SMOC2: variants seen among roughly 807,000 people sequenced by gnomAD.
SMOC2 encodes the protein SPARC related modular calcium binding 2, also known as SPARC-related modular calcium-binding protein 2.
A neutral mutation model predicts 61.4 loss-of-function variants in SMOC2; 39 were observed. The ratio of observed to expected loss-of-function variants is 0.64; its 90% CI spans 0.49 to 0.83. The LOEUF (loss-of-function observed/expected upper bound fraction) is 0.83. SMOC2 is among the 40% of genes least tolerant of loss of function. The probability of loss-of-function intolerance (pLI) is 0.00; values close to 1 mark genes in which losing one functional copy is unlikely to be tolerated. For synonymous variants in SMOC2, 247 were observed against 239.9 expected, an observed-to-expected ratio of 1.03 and a Z score of -0.27; for missense variants, 556 against 592.9, an observed-to-expected ratio of 0.94 and a Z score of 0.65.
At chr6:168,511,668 G>A (rs1264721458) in intron 2 of SMOC2, among the ~76,000 whole-genome samples, 1 of 152,138 alleles carries the variant, frequency 6.6e-6, no homozygotes, top group Non-Finnish European at 1.5e-5. Flanking sequence ...TCCCTCTGGA[G>A]CCTTGGTCTT....
intron 11 of SMOC2, among the ~76,000 whole-genome samples, chr6:168,658,980 T>G (rs1472704101): frequency 6.7e-6 from 1 of 149,314 alleles, no homozygotes; most frequent in Non-Finnish European, 1.5e-5. Flanking sequence ...GTGTGTATGG[T>G]GTGTGTGTGT....
chr6:168,608,111 G>A (rs1035874172), intron 8 of SMOC2, 46 bp from the exon 9 acceptor site: 1 of 1,559,232 alleles, frequency 6.4e-7, no homozygotes, highest in South Asian at 1.2e-5. Context: ...CTGGTCTCAA[G>A]CCCGTTGTTT....
At chr6:168,460,606 C>G (rs1194078391) in intron 1 of SMOC2, among the ~76,000 whole-genome samples, 1 of 152,212 alleles carries the variant, frequency 6.6e-6, no homozygotes, top group African/African-American at 2.4e-5. Flanking sequence ...TGGGAAGCTT[C>G]AGGAACCCGG....
At chr6:168,571,350 C>T (rs1231077055) in intron 7 of SMOC2, among the ~76,000 whole-genome samples, 1 of 152,254 alleles carries the variant, frequency 6.6e-6, no homozygotes, top group African/African-American at 2.4e-5. Flanking sequence ...GCACCTGTGC[C>T]GCCATGCCTG....
At chr6:168,459,606 G>T (rs1240924540) in intron 1 of SMOC2, among the ~76,000 whole-genome samples, 1 of 140,938 alleles carries the variant, frequency 7.1e-6, no homozygotes, top group Non-Finnish European at 1.6e-5. Flanking sequence ...GTGAGCACTG[G>T]GGTGGGTGAG....
At position 168,453,586 on chromosome 6, in the gene SMOC2, C is replaced by G. The variant is rs1185246414; in HGVS notation, c.84+12132C>G. Among the ~76,000 whole-genome samples, 2 of 151,266 alleles carry G rather than the reference C, an allele frequency of 1.3e-5. No homozygotes were observed. The highest frequency in any genetic ancestry group is 6.6e-5 in the Admixed American group (1 of 15,210). Reference sequence around the variant, plus strand: ...ATTCTCTCAGTCTCTGCCATTTGCTCTCTCTCTTTCTGTCTGTCTCTGTTT... The same window carrying G: ...ATTCTCTCAGTCTCTGCCATTTGCTGTCTCTCTTTCTGTCTGTCTCTGTTT... On this transcript the variant is annotated intron_variant, in intron 1 of 12. Transcript: ENST00000356284. The surrounding 1 kb of genome is among the most constrained non-coding windows in gnomAD (Gnocchi z 4.4).
intron 9 of SMOC2, among the ~76,000 whole-genome samples, chr6:168,611,456 C>G (rs1389361631): frequency 3.0e-5 from 4 of 132,616 alleles, no homozygotes; most frequent in Non-Finnish European, 6.4e-5. Context: ...GCTCCCATGT[C>G]TGGCCCTGCA....
In SMOC2 at chr6:168,441,433, T is replaced by G. The variant is rs73270928; in HGVS notation, c.63T>G (p.Ala21=). Residue 21 remains alanine (A), a synonymous_variant, in exon 1 of 13, where the codon GCT becomes GCG. Coordinates refer to ENST00000356284, the MANE Select transcript of SMOC2 (RefSeq NM_001166412.2). ...LLAGLLPPVP[A]QKFSALTFLR... ...CTGGGCTGCTCCCGCCGGTGCCCGC[T>G]CAGAAGTTCTCGGCGCTCACGGTAA... The G allele has an allele frequency of 0.19, 292,631 of 1,507,100 alleles. 36,751 individuals are homozygous for G. Among genetic ancestry groups the G allele is most frequent in the African/African-American group, 0.53 (36,171 of 68,798 alleles). 93.4% of individuals were successfully genotyped at this position (1,507,100 alleles called of 1,614,324 possible).
Position 168,553,251 on chromosome 6 carries a change from T to TTATTTTGTAAAATCTGAA in SMOC2, c.637+4048_637+4049insTATTTTGTAAAATCTGAA, listed in dbSNP as rs1395192630. 6.6e-6 allele frequency among the ~76,000 whole-genome samples: 1 copy of TTATTTTGTAAAATCTGAA among 152,224 alleles called. No individual in the cohort carries two copies. Among genetic ancestry groups the TTATTTTGTAAAATCTGAA allele is most frequent in the Non-Finnish European group, 1.5e-5 (1 of 68,042 alleles). Reference sequence around the variant, plus strand: ...TAAATAAACGAGTAAAATCTGAAGTTGCCTGTTACTTAAAAGTGCATTACT... The same window carrying TTATTTTGTAAAATCTGAA: ...TAAATAAACGAGTAAAATCTGAAGTTTATTTTGTAAAATCTGAAGCCTGTTACTTAAAAGTGCATTACT... On this transcript the variant is annotated intron_variant, in intron 7 of 12. Coordinates refer to ENST00000356284, the MANE Select transcript of SMOC2 (RefSeq NM_001166412.2). The surrounding 1 kb of genome is among the most constrained non-coding windows in gnomAD (Gnocchi z 4.2).
chr6:168,462,555 G>A (rs991615566), intron 1 of SMOC2, among the ~76,000 whole-genome samples: 1 of 152,152 alleles, frequency 6.6e-6, no homozygotes, highest in Non-Finnish European at 1.5e-5. Flanking sequence ...CCTCGTCTCT[G>A]TGGTGCTGGA....
At chr6:168,478,707 CTG>C (rs1416648127) in intron 1 of SMOC2, among the ~76,000 whole-genome samples, 1 of 152,222 alleles carries the variant, frequency 6.6e-6, no homozygotes, top group Admixed American at 6.5e-5. Flanking sequence ...TCTGTCTGCT[CTG>C]TCTCAGGGAA....
chr6:168,566,932 T>A (rs1784558273), intron 7 of SMOC2, among the ~76,000 whole-genome samples: 1 of 152,206 alleles, frequency 6.6e-6, no homozygotes, highest in African/African-American at 2.4e-5. Flanking sequence ...GACAGAATGA[T>A]ACACGGAAAA....
Position 168,666,852 on chromosome 6 carries a change from T to C in SMOC2, c.*414T>C, listed in dbSNP as rs1329840935. On this transcript the variant is annotated 3_prime_UTR_variant, in exon 13 of 13. Coordinates refer to ENST00000356284, the MANE Select transcript of SMOC2 (RefSeq NM_001166412.2). ...TCATGTTGGAAGCTCCACATGTCCATGGAAGTTTGTGATGTACGGCCGACC... is the reference window on the plus strand; with the variant it reads ...TCATGTTGGAAGCTCCACATGTCCACGGAAGTTTGTGATGTACGGCCGACC... 1 of 169,110 alleles carries C rather than the reference T, an allele frequency of 5.9e-6. No individual in the cohort carries two copies. The highest frequency in any genetic ancestry group is 1.3e-5 in the Non-Finnish European group (1 of 79,076). The allele number at this position is 169,110 out of a possible 1,614,324, so 10.5% of individuals were successfully genotyped here. A position where few individuals can be genotyped will look rare whatever the true frequency, so the allele number is the denominator to read the frequency against.
rs562491030 is a variant in SMOC2 at position 168,453,632 on chromosome 6, GTCTC to G, written c.84+12184_84+12187del. 6.6e-6 allele frequency among the ~76,000 whole-genome samples: 1 copy of G among 150,778 alleles called. No homozygotes were observed. The highest frequency in any genetic ancestry group is 2.4e-5 in the African/African-American group (1 of 40,916). Reference sequence around the variant, plus strand: ...TGTTTCTTCCTGTCTCTGTCTCTTTGTCTCTCTCTGTCTCTTTCTCTCTGTCTCT... The same window carrying G: ...TGTTTCTTCCTGTCTCTGTCTCTTTGTCTCTGTCTCTTTCTCTCTGTCTCT... On this transcript the variant is annotated intron_variant, in intron 1 of 12. Transcript: ENST00000356284. The surrounding 1 kb of genome is among the most constrained non-coding windows in gnomAD (Gnocchi z 4.4).
At chr6:168,513,416 C>G (rs1391864994) in intron 2 of SMOC2, among the ~76,000 whole-genome samples, 1 of 151,324 alleles carries the variant, frequency 6.6e-6, no homozygotes, top group Non-Finnish European at 1.5e-5. Context: ...GTGGTGAAAA[C>G]TTGGATGAAA....
chr6:168,577,471 G>T (rs1169459179), intron 7 of SMOC2, among the ~76,000 whole-genome samples: 3 of 152,198 alleles, frequency 2.0e-5, no homozygotes, highest in African/African-American at 7.2e-5. Context: ...TTTCCATTGT[G>T]ATGGTTATGT....
At chr6:168,659,512 A>T (rs1787421393) in intron 11 of SMOC2, among the ~76,000 whole-genome samples, 1 of 151,630 alleles carries the variant, frequency 6.6e-6, no homozygotes, top group Non-Finnish European at 1.5e-5. Context: ...GTGAGGGTGG[A>T]GGTTGTAGGT....
At chr6:168,639,548 A>G (rs1186915905) in intron 9 of SMOC2, among the ~76,000 whole-genome samples, 2 of 152,218 alleles carry the variant, frequency 1.3e-5, no homozygotes, top group African/African-American at 4.8e-5. Flanking sequence ...AATATACAGT[A>G]AATTATTTTT....
At chr6:168,551,273 A>C (rs2115109398) in intron 7 of SMOC2, among the ~76,000 whole-genome samples, 1 of 152,304 alleles carries the variant, frequency 6.6e-6, no homozygotes, top group South Asian at 2.1e-4. Context: ...TCTTTCGTTT[A>C]TAAATTGCCC....
Sources: allele counts gnomAD v4.1 joint callset (sites outside exome capture counted in the v4.1 genomes callset), GRCh38; gene constraint gnomAD v4.1.1; non-coding constraint Gnocchi (gnomAD v3.1); transcripts MANE v1.5; gene names NCBI Gene and HGNC (gene_info 2026-07-23, HGNC 2026-07-21).